NELL2: variants seen among roughly 807,000 people sequenced by gnomAD.
The protein encoded by NELL2 is neural EGFL like 2.
A neutral mutation model predicts 109.6 loss-of-function variants in NELL2; 41 were observed. The ratio of observed to expected loss-of-function variants is 0.37; its 90% CI spans 0.29 to 0.49. The LOEUF is 0.49. Ranked by LOEUF, NELL2 falls within the 20% of genes least tolerant of loss-of-function variation. NELL2 has a pLI of 0.98. For synonymous variants in NELL2, 355 were observed against 344.7 expected, an observed-to-expected ratio of 1.03 and a Z score of -0.33; for missense variants, 900 against 1,008.3, an observed-to-expected ratio of 0.89 and a Z score of 1.45.
In NELL2 at chr12:44,807,518, C is replaced by T. The variant is rs145988929; in HGVS notation, c.335+8468G>A. Reference sequence around the variant, plus strand: ...GAGCTATAGACTCCTAAAATTTAGACGTCAATGTTTTAAAAAATGGCAAAA... The same window carrying T: ...GAGCTATAGACTCCTAAAATTTAGATGTCAATGTTTTAAAAAATGGCAAAA... On this transcript the variant is annotated intron_variant, in intron 3 of 19. Coordinates refer to ENST00000429094, the MANE Select transcript of NELL2 (RefSeq NM_001145108.2). 2.4e-3 allele frequency among the ~76,000 whole-genome samples: 357 copies of T among 151,782 alleles called. 1 individual carries two copies. Among genetic ancestry groups the T allele is most frequent in the Non-Finnish European group, 4.0e-3 (274 of 67,842 alleles).
intron 13 of NELL2, among the ~76,000 whole-genome samples, chr12:44,613,675 T>G (rs1945709804): frequency 6.6e-6 from 1 of 152,122 alleles, no homozygotes; most frequent in South Asian, 2.1e-4. Flanking sequence ...TGAACTAATG[T>G]AAACTGTGAG....
At chr12:44,877,422 T>A (rs1022989598), upstream of NELL2, among the ~76,000 whole-genome samples, 1 of 152,244 alleles carries the variant, frequency 6.6e-6, no homozygotes. Flanking sequence ...TCCACTTTCA[T>A]TTTGGAAAAG....
Position 44,587,284 on chromosome 12 carries a change from A to AAAATAT in NELL2, c.1663+19884_1663+19885insATATTT. ...AAGACTCCGTCTCAAAAAAAAAAAA[A>AAAATAT]ATATATATATATATATATATATATT... is the stretch of plus-strand genomic sequence containing the variant. On this transcript the variant is annotated intron_variant, in intron 15 of 19. Coordinates refer to ENST00000429094, the MANE Select transcript of NELL2 (RefSeq NM_001145108.2). Among the ~76,000 whole-genome samples the AAAATAT allele has an allele frequency of 3.0e-4, 22 of 72,214 alleles. No individual in the cohort carries two copies. The East Asian group carries it at 5.2e-3, about 17-fold the overall frequency. 47.4% of individuals were successfully genotyped at this position (72,214 alleles called of 152,430 possible).
chr12:44,702,920 C>T (rs1407893243), intron 12 of NELL2, among the ~76,000 whole-genome samples: 1 of 152,184 alleles, frequency 6.6e-6, no homozygotes, highest in Non-Finnish European at 1.5e-5. Flanking sequence ...TGAGGTTTTC[C>T]ATCTCCACAG....
chr12:44,648,900 T>TTGTGTGGGTGTGTG (rs1947198540), intron 13 of NELL2, among the ~76,000 whole-genome samples: 1 of 107,148 alleles, frequency 9.3e-6, no homozygotes, highest in Non-Finnish European at 1.8e-5. Context: ...CACGCCCAGC[T>TTGTGTGGGTGTGTG]TGTGTGTGTG....
At chr12:44,782,372 A>C (rs1941996489) in intron 3 of NELL2, among the ~76,000 whole-genome samples, 1 of 151,986 alleles carries the variant, frequency 6.6e-6, no homozygotes, top group Non-Finnish European at 1.5e-5. Flanking sequence ...ACATAAAATA[A>C]AAAATAAAGT....
intron 9 of NELL2, among the ~76,000 whole-genome samples, chr12:44,722,630 A>T (rs377277146): frequency 6.6e-6 from 1 of 152,234 alleles, no homozygotes; most frequent in African/African-American, 2.4e-5. Flanking sequence ...AATGCTTCAC[A>T]CAGAGGAGTG....
intron 12 of NELL2, among the ~76,000 whole-genome samples, chr12:44,678,432 T>C (rs552452951): frequency 6.6e-6 from 1 of 152,130 alleles, no homozygotes; most frequent in Non-Finnish European, 1.5e-5. Flanking sequence ...ATGGTCGCCA[T>C]GGCATTCACT....
At chr12:44,655,217 C>G (rs1377071932) in intron 13 of NELL2, among the ~76,000 whole-genome samples, 1 of 152,178 alleles carries the variant, frequency 6.6e-6, no homozygotes, top group Admixed American at 6.5e-5. Flanking sequence ...CGTCCCAGTC[C>G]TCAGGTGAGC....
rs768588530 is a variant in NELL2 at position 44,616,969 on chromosome 12, T to C, written c.1445-5999A>G. 1.7e-4 allele frequency among the ~76,000 whole-genome samples: 26 copies of C among 152,306 alleles called. 1 individual carries two copies. The highest frequency in any genetic ancestry group is 1.2e-3 in the South Asian group (6 of 4,830). On this transcript the variant is annotated intron_variant, in intron 13 of 19. Coordinates refer to ENST00000429094, the MANE Select transcript of NELL2 (RefSeq NM_001145108.2). Reference sequence around the variant, plus strand: ...CAGTACTTTAGCAATATAATTATTATACTGCAGATCTTTCCAAAATGAGTA... The same window carrying C: ...CAGTACTTTAGCAATATAATTATTACACTGCAGATCTTTCCAAAATGAGTA...
intron 2 of NELL2, among the ~76,000 whole-genome samples, chr12:44,864,262 A>G (rs1440202499): frequency 2.6e-5 from 4 of 152,154 alleles, no homozygotes; most frequent in Non-Finnish European, 5.9e-5. Flanking sequence ...CTATCAAAAG[A>G]CATAAAGTGG....
intron 13 of NELL2, among the ~76,000 whole-genome samples, chr12:44,641,088 G>C (rs1487641081): frequency 6.6e-6 from 1 of 152,068 alleles, no homozygotes; most frequent in Non-Finnish European, 1.5e-5. Context: ...TAAAAAGAGA[G>C]AAAAGAACAG....
intron 3 of NELL2, among the ~76,000 whole-genome samples, chr12:44,808,211 C>T (rs1384740626): frequency 2.0e-5 from 3 of 152,010 alleles, no homozygotes; most frequent in African/African-American, 2.4e-5. Context: ...AAAAATGCCT[C>T]GCTTCTTTAG....
At chr12:44,734,974 A>T (rs962941514) in intron 9 of NELL2, among the ~76,000 whole-genome samples, 4 of 152,072 alleles carry the variant, frequency 2.6e-5, no homozygotes, top group Non-Finnish European at 4.4e-5. Flanking sequence ...TGAGGAAGGG[A>T]TGGAACTACT....
At chr12:44,741,828 G>A (rs538271343) in intron 9 of NELL2, among the ~76,000 whole-genome samples, 8 of 152,336 alleles carry the variant, frequency 5.3e-5, no homozygotes, top group Admixed American at 3.3e-4. Flanking sequence ...GAACTGGGTG[G>A]AGCCCACCAC....
chr12:44,839,973 C>T (rs750632169), intron 2 of NELL2, among the ~76,000 whole-genome samples: 3 of 152,194 alleles, frequency 2.0e-5, no homozygotes, highest in Non-Finnish European at 4.4e-5. Context: ...CTAATTGTTA[C>T]TACCCTTTCA....
chr12:44,714,695 A>T lies in NELL2; in HGVS notation c.1041T>A (p.Asn347Lys), dbSNP rs1432912399. 9 of 1,604,364 alleles carry T rather than the reference A, an allele frequency of 5.6e-6. No homozygotes were observed. The highest frequency in any genetic ancestry group is 6.8e-6 in the Non-Finnish European group (8 of 1,176,326). The change falls in exon 10 of 20, where the codon AAT (asparagine) becomes AAA (lysine). Residue 347 changes from asparagine to lysine, a missense_variant. Physicochemically the swap from Asn to Lys is moderately conservative, Grantham distance 94. Around this residue, in one of 4 missense-constraint regions of NELL2, gnomAD observed 292 missense variants for 265.3 expected, o/e 1.10. Coordinates refer to ENST00000429094, the MANE Select transcript of NELL2 (RefSeq NM_001145108.2). ...QGRTYFEGER[N>K]TVYSSSGVCV... ...ATACTCCAGAAGAGGAATAGACTGTATTTCTTTCTCCTTCAAAGTAGGTTC... is the reference window on the plus strand; with the variant it reads ...ATACTCCAGAAGAGGAATAGACTGTTTTTCTTTCTCCTTCAAAGTAGGTTC...
intron 2 of NELL2, among the ~76,000 whole-genome samples, chr12:44,854,128 G>A (rs1313777794): frequency 6.6e-6 from 1 of 152,072 alleles, no homozygotes; most frequent in Non-Finnish European, 1.5e-5. Context: ...AACCTATTTG[G>A]CATTTTTTCT....
intron 1 of NELL2, among the ~76,000 whole-genome samples, chr12:44,889,739 T>C (rs1945512647): frequency 6.6e-6 from 1 of 150,790 alleles, no homozygotes; most frequent in Non-Finnish European, 1.5e-5. Context: ...AAAAATTCCA[T>C]TTTCAAAGGG....
Sources: gnomAD v4.1 joint callset for allele counts (sites outside exome capture counted in the v4.1 genomes callset) on GRCh38, gnomAD v4.1.1 for gene constraint, gnomAD v4.1.1 regional missense constraint, MANE v1.5 for transcripts, NCBI Gene and HGNC (gene_info 2026-07-23, HGNC 2026-07-21) for gene names.